The following NSMCE2 variants were observed in gnomAD, a reference collection of about 807,000 sequenced individuals.
NSMCE2 encodes NSE2 SUMO ligase component of SMC5/6 complex, also known as E3 SUMO-protein ligase NSE2.
NSMCE2 carries 24 observed loss-of-function variants against 23.8 expected under a neutral mutation model. The ratio of observed to expected loss-of-function variants is 1.01; its 90% CI spans 0.73 to 1.42. The LOEUF (loss-of-function observed/expected upper bound fraction) is 1.42, where lower values mean the gene tolerates loss of function less well. NSMCE2 is among the 40% of genes most tolerant of loss of function. The probability of loss-of-function intolerance (pLI) is 0.00; values close to 1 mark genes in which losing one functional copy is unlikely to be tolerated. For missense variants in NSMCE2, 284 were observed against 296.5 expected, an observed-to-expected ratio of 0.96 and a Z score of 0.31; for synonymous variants, 92 against 94.1, an observed-to-expected ratio of 0.98 and a Z score of 0.13.
At chr8:125,123,644 C>CA (rs1819373091) in intron 3 of NSMCE2, among the ~76,000 whole-genome samples, 1 of 148,696 alleles carries the variant, frequency 6.7e-6, no homozygotes, top group Admixed American at 6.7e-5. Context: ...TGTAGATCAA[C>CA]ATGTCCCATG....
chr8:125,239,023 A>T (rs1825663526), intron 5 of NSMCE2, among the ~76,000 whole-genome samples: 1 of 152,244 alleles, frequency 6.6e-6, no homozygotes, highest in Admixed American at 6.5e-5. Flanking sequence ...CTGATTAACT[A>T]GTCAATGACT....
chr8:125,126,527 T>G (rs1819526454), intron 3 of NSMCE2, among the ~76,000 whole-genome samples: 2 of 152,156 alleles, frequency 1.3e-5, no homozygotes, highest in African/African-American at 2.4e-5. Context: ...CCACCACGTA[T>G]TATAGCTTCA....
At chr8:125,354,955 CAT>C (rs1813190600) in intron 5 of NSMCE2, among the ~76,000 whole-genome samples, 2 of 152,308 alleles carry the variant, frequency 1.3e-5, no homozygotes, top group South Asian at 2.1e-4. Context: ...AACAAGTACA[CAT>C]GAGTGTTAAA....
chr8:125,274,367 C>A (rs1430158967), intron 5 of NSMCE2, among the ~76,000 whole-genome samples: 3 of 152,010 alleles, frequency 2.0e-5, no homozygotes, highest in Non-Finnish European at 2.9e-5. Context: ...ATTTTAATTC[C>A]TGTCACCTCA....
chr8:125,288,223 CTT>C, intron 5 of NSMCE2, among the ~76,000 whole-genome samples: 1 of 152,180 alleles, frequency 6.6e-6, no homozygotes, highest in Non-Finnish European at 1.5e-5. Flanking sequence ...CCACACTCAC[CTT>C]TATGCTACTG....
intron 7 of NSMCE2, 126 bp downstream of exon 7, chr8:125,357,944 T>A: frequency 1.5e-6 from 1 of 668,292 alleles, no homozygotes; most frequent in Non-Finnish European, 2.6e-6. Context: ...CCGAATACTG[T>A]AAACATGGAA....
chr8:125,346,072 G>A (rs775136788), intron 5 of NSMCE2, among the ~76,000 whole-genome samples: 11 of 152,044 alleles, frequency 7.2e-5, no homozygotes, highest in Admixed American at 1.3e-4. Flanking sequence ...CAGGAGAATC[G>A]CTTGAAGCCA....
intron 5 of NSMCE2, among the ~76,000 whole-genome samples, chr8:125,355,575 C>G (rs1309086158): frequency 1.3e-5 from 2 of 151,922 alleles, no homozygotes; most frequent in Admixed American, 1.3e-4. Context: ...TGTCGTGCAC[C>G]TATACTCCCA....
At chr8:125,263,907 C>G (rs553069205) in intron 5 of NSMCE2, among the ~76,000 whole-genome samples, 2 of 152,296 alleles carry the variant, frequency 1.3e-5, no homozygotes, top group South Asian at 4.1e-4. Context: ...AGAACAATTC[C>G]TAACACCTGG....
Position 125,366,917 on chromosome 8 carries a change from G to A in NSMCE2, c.*32G>A. On this transcript the variant is annotated 3_prime_UTR_variant, in exon 8 of 8. Transcript: ENST00000287437. The stretch of plus-strand genomic sequence containing the variant: ...CCACCTGCCTGCAGGGACACCAGCA[G>A]CCTACCTCCTACCCCAGCTGTCTGT... 4 of 1,216,302 alleles carry A rather than the reference G, an allele frequency of 3.3e-6. No homozygotes were observed. The highest frequency in any genetic ancestry group is 4.9e-6 in the Non-Finnish European group (4 of 817,372). 75.3% of individuals were successfully genotyped at this position (1,216,302 alleles called of 1,614,324 possible).
intron 3 of NSMCE2, among the ~76,000 whole-genome samples, chr8:125,114,338 A>G (rs189902757): frequency 1.1e-4 from 17 of 152,290 alleles, no homozygotes; most frequent in Admixed American, 3.3e-4. Flanking sequence ...GCTATTGCCT[A>G]TAGGTACATG....
intron 5 of NSMCE2, among the ~76,000 whole-genome samples, chr8:125,263,518 G>A (rs1826787606): frequency 6.6e-6 from 1 of 152,138 alleles, no homozygotes; most frequent in Non-Finnish European, 1.5e-5. Context: ...GGGAGACCAA[G>A]GTGGGCAGAT....
At chr8:125,307,086 T>C (rs377152315) in intron 5 of NSMCE2, among the ~76,000 whole-genome samples, 60 of 152,364 alleles carry the variant, frequency 3.9e-4, no homozygotes, top group African/African-American at 1.4e-3. Flanking sequence ...CCCTGTTCAC[T>C]TAACATGGAG....
At chr8:125,148,636 T>C (rs1354428093) in intron 3 of NSMCE2, among the ~76,000 whole-genome samples, 1 of 152,198 alleles carries the variant, frequency 6.6e-6, no homozygotes, top group Non-Finnish European at 1.5e-5. Context: ...ACTGTTAGTC[T>C]TTGTTCAGGT....
At chr8:125,147,026 T>A (rs1296437306) in intron 3 of NSMCE2, among the ~76,000 whole-genome samples, 1 of 152,220 alleles carries the variant, frequency 6.6e-6, no homozygotes, top group Non-Finnish European at 1.5e-5. Flanking sequence ...ACATATATAA[T>A]CATTGTCATT....
chr8:125,116,937 G>A (rs1361241604), intron 3 of NSMCE2, among the ~76,000 whole-genome samples: 1 of 146,984 alleles, frequency 6.8e-6, no homozygotes, highest in African/African-American at 2.5e-5. Context: ...ACCCACTCTG[G>A]TGGGCAGTGG....
chr8:125,220,486 C>G (rs1824800501), intron 5 of NSMCE2, among the ~76,000 whole-genome samples: 1 of 151,998 alleles, frequency 6.6e-6, no homozygotes, highest in African/African-American at 2.4e-5. Context: ...ATTTGTTTTA[C>G]CATAAAATTC....
chr8:125,339,783 G>A (rs546547397), intron 5 of NSMCE2, among the ~76,000 whole-genome samples: 1 of 152,034 alleles, frequency 6.6e-6, no homozygotes, highest in Non-Finnish European at 1.5e-5. Context: ...CCCTGAGCTT[G>A]CCTCTCTCCT....
intron 5 of NSMCE2, among the ~76,000 whole-genome samples, chr8:125,193,658 G>GC (rs1823466965): frequency 6.6e-6 from 1 of 152,164 alleles, no homozygotes; most frequent in Non-Finnish European, 1.5e-5. Flanking sequence ...TGACAAGCAT[G>GC]CTTGGGAGGA....
Sources: allele counts gnomAD v4.1 joint callset (sites outside exome capture counted in the v4.1 genomes callset), GRCh38; gene constraint gnomAD v4.1.1; transcripts MANE v1.5; gene names NCBI Gene and HGNC (gene_info 2026-07-23, HGNC 2026-07-21).